The following FSTL5 variants were observed in gnomAD, a reference collection of about 807,000 sequenced individuals.
FSTL5 encodes follistatin-related protein 5.
A neutral mutation model predicts 89.1 loss-of-function variants in FSTL5; 62 were observed. The observed-to-expected ratio is 0.70, with a 90% CI of 0.57 to 0.86. FSTL5 has a LOEUF of 0.86. Among genes scored for constraint, FSTL5 ranks in the 40% least tolerant of loss-of-function variants. The pLI is 0.00. For missense variants in FSTL5, 1,057 were observed against 1,001.6 expected, an observed-to-expected ratio of 1.06 and a Z score of -0.75; for synonymous variants, 383 against 346.2, an observed-to-expected ratio of 1.11 and a Z score of -1.18.
intron 4 of FSTL5, among the ~76,000 whole-genome samples, chr4:161,815,682 A>G (rs2163495): frequency 0.46 from 70,590 of 151,880 alleles, 16,614 homozygotes; most frequent in Middle Eastern, 0.51. Flanking sequence ...TTAAAAAATA[A>G]TTTCCTGGCC....
intron 3 of FSTL5, among the ~76,000 whole-genome samples, chr4:161,942,979 G>A (rs570632578): frequency 4.6e-5 from 7 of 152,214 alleles, no homozygotes; most frequent in African/African-American, 1.7e-4. Context: ...CGGCAAAGCT[G>A]CAGAACACAT....
chr4:162,056,210 A>T lies in FSTL5; in HGVS notation c.127-22552T>A, dbSNP rs187958513. Among the ~76,000 whole-genome samples, 1,203 of 152,158 alleles carry T rather than the reference A, an allele frequency of 7.9e-3. 13 individuals are homozygous for T. Among genetic ancestry groups the T allele is most frequent in the Non-Finnish European group, 0.013 (883 of 67,956 alleles). ...CAGAATATATAAAGCACTAAAAATCAATTTAGAAACAAAGAATCCAATGGT... is the reference window on the plus strand; with the variant it reads ...CAGAATATATAAAGCACTAAAAATCTATTTAGAAACAAAGAATCCAATGGT... On this transcript the variant is annotated intron_variant, in intron 2 of 15. Transcript: ENST00000306100.
chr4:161,737,098 C>T (rs561184960), intron 6 of FSTL5, among the ~76,000 whole-genome samples: 5 of 152,082 alleles, frequency 3.3e-5, no homozygotes, highest in Non-Finnish European at 7.4e-5. Flanking sequence ...GGGGAAGCCA[C>T]GAAAGAATCT....
At chr4:161,908,206 C>A (rs761342057) in intron 4 of FSTL5, among the ~76,000 whole-genome samples, 2 of 151,906 alleles carry the variant, frequency 1.3e-5, no homozygotes, top group Non-Finnish European at 2.9e-5. Context: ...TTTGGGAAAA[C>A]TAAGACTGTG....
chr4:161,967,868 T>C (rs1735371539), intron 3 of FSTL5, among the ~76,000 whole-genome samples: 1 of 152,052 alleles, frequency 6.6e-6, no homozygotes, highest in South Asian at 2.1e-4. Context: ...ATTAAAGAAA[T>C]GTCTCAATAT....
chr4:161,997,893 C>T lies in FSTL5; in HGVS notation c.160+35732G>A, dbSNP rs371170190. 2.8e-4 allele frequency among the ~76,000 whole-genome samples: 43 copies of T among 152,130 alleles called. No individual in the cohort carries two copies. The East Asian group carries it at 4.7e-3, about 16-fold the overall frequency. ...TGCTGGGATTACAGGCGTGAGCCAC[C>T]GCGCCCGGCCAAGTGTGTACATGTT... On this transcript the variant is annotated intron_variant, in intron 3 of 15. Coordinates refer to ENST00000306100, the MANE Select transcript of FSTL5 (RefSeq NM_020116.5).
chr4:161,551,804 T>A (rs1314728334), intron 8 of FSTL5, among the ~76,000 whole-genome samples: 1 of 151,832 alleles, frequency 6.6e-6, no homozygotes, highest in Non-Finnish European at 1.5e-5. Context: ...TGAAACTGGA[T>A]CCCTTCCTTA....
At chr4:161,513,904 T>A (rs1346015479) in intron 10 of FSTL5, among the ~76,000 whole-genome samples, 1 of 152,114 alleles carries the variant, frequency 6.6e-6, no homozygotes, top group African/African-American at 2.4e-5. Context: ...ACTTGCATGA[T>A]GAAGTAATCT....
intron 4 of FSTL5, among the ~76,000 whole-genome samples, chr4:161,798,474 CT>C (rs58425260): frequency 9.4e-4 from 138 of 146,814 alleles, no homozygotes; most frequent in East Asian, 6.3e-3. Context: ...CATTGTAATA[CT>C]TTTTTTTTTT....
At chr4:161,685,697 A>T (rs994098439) in intron 6 of FSTL5, among the ~76,000 whole-genome samples, 4 of 152,266 alleles carry the variant, frequency 2.6e-5, no homozygotes, top group Non-Finnish European at 5.9e-5. Context: ...CAATCATATC[A>T]TTAGCAAACA....
chr4:161,879,750 T>C (rs1294923705), intron 4 of FSTL5, among the ~76,000 whole-genome samples: 1 of 152,194 alleles, frequency 6.6e-6, no homozygotes, highest in Non-Finnish European at 1.5e-5. Flanking sequence ...TCATCTTATG[T>C]GAAGGACCGT....
chr4:161,722,067 C>A (rs1445193284), intron 6 of FSTL5, among the ~76,000 whole-genome samples: 1 of 151,926 alleles, frequency 6.6e-6, no homozygotes, highest in Non-Finnish European at 1.5e-5. Context: ...TTGAAGATGT[C>A]TTTTTCTTTC....
chr4:161,663,789 C>G (rs1264644830), intron 6 of FSTL5, among the ~76,000 whole-genome samples: 3 of 152,232 alleles, frequency 2.0e-5, no homozygotes, highest in African/African-American at 7.2e-5. Flanking sequence ...AGTGCCCTAG[C>G]AGAAGTTCTC....
chr4:161,620,971 A>T (rs1167693767), intron 7 of FSTL5, among the ~76,000 whole-genome samples: 1 of 146,258 alleles, frequency 6.8e-6, no homozygotes, highest in Non-Finnish European at 1.5e-5. Flanking sequence ...CCTCTAGAAT[A>T]ACACAAGTAA....
At chr4:161,740,344 G>A (rs1739974560) in intron 6 of FSTL5, among the ~76,000 whole-genome samples, 1 of 152,092 alleles carries the variant, frequency 6.6e-6, no homozygotes, top group South Asian at 2.1e-4. Flanking sequence ...ATCGCTTTTA[G>A]TATTTGATTG....
intron 6 of FSTL5, among the ~76,000 whole-genome samples, chr4:161,678,340 G>A (rs750062429): frequency 3.3e-5 from 5 of 151,756 alleles, no homozygotes; most frequent in Non-Finnish European, 7.4e-5. Flanking sequence ...AAACAGAATA[G>A]TGTCAAAATT....
chr4:161,641,504 G>GTTTTTTTTTTTTTT (rs71598725), intron 7 of FSTL5, among the ~76,000 whole-genome samples: 1 of 132,336 alleles, frequency 7.6e-6, no homozygotes, highest in Non-Finnish European at 1.6e-5. Flanking sequence ...TTTTTGTTTT[G>GTTTTTTTTTTTTTT]TTTTGTTTTT....
At chr4:161,660,782 T>G (rs1410723891) in intron 6 of FSTL5, among the ~76,000 whole-genome samples, 2 of 152,144 alleles carry the variant, frequency 1.3e-5, no homozygotes, top group Non-Finnish European at 2.9e-5. Context: ...GCTCCATCCA[T>G]GTCCTGGCAA....
chr4:161,838,432 A>G (rs1811431), intron 4 of FSTL5, among the ~76,000 whole-genome samples: 13,720 of 152,040 alleles, frequency 0.09, 775 homozygotes, highest in African/African-American at 0.16. Context: ...ACAGGCACCC[A>G]CCACCGCGCC....
Sources: allele counts gnomAD v4.1 joint callset (sites outside exome capture counted in the v4.1 genomes callset), GRCh38; gene constraint gnomAD v4.1.1; transcripts MANE v1.5; gene names NCBI Gene and HGNC (gene_info 2026-07-23, HGNC 2026-07-21).